BDP1: variants seen among roughly 807,000 people sequenced by gnomAD.
BDP1 encodes the protein BDP1 general transcription factor IIIB subunit, also known as transcription factor TFIIIB component B'' homolog.
Under a neutral mutation model 266.6 loss-of-function variants are expected in BDP1, and 169 were observed. The ratio of observed to expected loss-of-function variants is 0.63; its 90% CI spans 0.56 to 0.72. The LOEUF (loss-of-function observed/expected upper bound fraction) is 0.72. Ranked by LOEUF, BDP1 falls within the 30% of genes least tolerant of loss-of-function variation. The pLI is 0.00. For missense variants in BDP1, 3,015 were observed against 3,053.8 expected (o/e 0.99, Z 0.30); for synonymous variants, 1,090 against 1,022.4 (o/e 1.07, Z -1.26).
chr5:71,460,171 G>A (rs1480063793), intron 2 of BDP1, among the ~76,000 whole-genome samples: 2 of 152,186 alleles, frequency 1.3e-5, no homozygotes, highest in Non-Finnish European at 2.9e-5. Context: ...CCTGAGGTCA[G>A]GAGTTCGAGA....
intron 8 of BDP1, 27 bp from the exon 9 acceptor site, chr5:71,486,457 A>G (rs905536575): frequency 1.3e-6 from 2 of 1,526,274 alleles, no homozygotes; most frequent in South Asian, 1.3e-5. Context: ...TAAAAACTTG[A>G]AAGTTCTTTT....
intron 3 of BDP1, 31 bp downstream of exon 3, chr5:71,461,957 T>C: frequency 3.1e-5 from 22 of 703,486 alleles, no homozygotes; most frequent in Non-Finnish European, 4.6e-5. Flanking sequence ...CTTTACTATC[T>C]CTTTTTTTTT....
intron 2 of BDP1, among the ~76,000 whole-genome samples, chr5:71,460,155 G>A (rs966664172): frequency 3.9e-5 from 6 of 152,224 alleles, no homozygotes; most frequent in Non-Finnish European, 7.4e-5. Flanking sequence ...CGAGGTGGGC[G>A]GATCACCTGA....
rs1765045171 is a variant in BDP1, at chr5:71,513,394, T to C, written c.4457T>C (p.Leu1486Pro). 2 of 1,575,776 alleles carry C rather than the reference T, an allele frequency of 1.3e-6. No individual in the cohort carries two copies. Among genetic ancestry groups the C allele is most frequent in the Admixed American group, 3.6e-5 (2 of 55,140 alleles). Residue 1486 changes from leucine to proline, a missense_variant, in exon 19 of 39, where the codon CTC becomes CCC. Physicochemically the swap from Leu to Pro is moderately conservative, Grantham distance 98. Around this residue, in one of 3 missense-constraint regions of BDP1, gnomAD observed 2,383 missense variants for 2,404.9 expected, o/e 0.99. Transcript: ENST00000358731. ...MQENNEQTDT[L>P]PSQHDEASLM... ...GAAAATAATGAACAAACTGATACTC[T>C]CCCTTCTCAACATGTGAGTGTATTT...
intron 25 of BDP1, among the ~76,000 whole-genome samples, chr5:71,525,594 C>A (rs1476097537): frequency 2.4e-5 from 2 of 84,172 alleles, no homozygotes; most frequent in East Asian, 7.0e-4. Flanking sequence ...GGGGGCTGAC[C>A]CCCCAACCTC....
At position 71,522,929 on chromosome 5, in the gene BDP1, A is replaced by G. The variant is rs181161100; in HGVS notation, c.5367A>G (p.Gln1789=). 6.0e-5 allele frequency: 95 copies of G among 1,592,858 alleles called. No individual in the cohort carries two copies. The African/African-American group carries it at 1.2e-3, about 20-fold the overall frequency. Residue 1789 remains glutamine, a synonymous_variant, in exon 24 of 39, where the codon CAA becomes CAG. Coordinates refer to ENST00000358731, the MANE Select transcript of BDP1 (RefSeq NM_018429.3). Reference sequence around the variant, plus strand: ...CACCATCTTCAGTTGTTGAAGAGCAATATCTCAATAAACTAACAAGGTAAC... The same window carrying G: ...CACCATCTTCAGTTGTTGAAGAGCAGTATCTCAATAAACTAACAAGGTAAC... ...DNSPSSVVEE[Q]YLNKLTSCPQ...
Position 71,501,673 on chromosome 5 carries a change from TAAAAAAAA to T in BDP1, c.2048+33_2048+40del. The T allele has an allele frequency of 9.2e-6, 5 of 544,660 alleles. No individual in the cohort carries two copies. Among genetic ancestry groups the T allele is most frequent in the Non-Finnish European group, 1.5e-5 (5 of 335,082 alleles). The allele number at this position is 544,660 out of a possible 1,614,324, so 33.7% of individuals were successfully genotyped here. ...ATCTGTGTGAGTATTCAGGAAGTAG[TAAAAAAAA>T]AAAAAAAAAAAAGTAACTCTTAGGA... On this transcript the variant is annotated intron_variant, in intron 14 of 38. Coordinates refer to ENST00000358731, the MANE Select transcript of BDP1 (RefSeq NM_018429.3).
rs779802474 is a variant in BDP1 at position 71,504,678 on chromosome 5, T to C, written c.2299T>C (p.Leu767=). 3.1e-6 allele frequency: 5 copies of C among 1,613,612 alleles called. No homozygotes were observed. In the South Asian group the frequency reaches 5.5e-5, roughly 18 times the overall value. Reference sequence around the variant, plus strand: ...AGATTTTGAAGAGGAAGATGTCATATTACAGCCTGAGAAAAATGATTCTTT... The same window carrying C: ...AGATTTTGAAGAGGAAGATGTCATACTACAGCCTGAGAAAAATGATTCTTT... ...RKDFEEEDVI[L]QPEKNDSFQN... Residue 767 remains leucine (L), a synonymous_variant, in exon 16 of 39, where the codon TTA becomes CTA. Coordinates refer to ENST00000358731, the MANE Select transcript of BDP1 (RefSeq NM_018429.3).
Position 71,541,180 on chromosome 5 carries a change from G to T in BDP1, c.6023-274G>T, listed in dbSNP as rs187206098. Among the ~76,000 whole-genome samples, 527 of 152,116 alleles carry T rather than the reference G, an allele frequency of 3.5e-3. 3 individuals carry two copies. Among genetic ancestry groups the T allele is most frequent in the African/African-American group, 0.012 (496 of 41,510 alleles). ...TATATAATTACTGAAAGTAACAAAAGAACTCATTTTTACTAATAATCGGAT... is the reference window on the plus strand; with the variant it reads ...TATATAATTACTGAAAGTAACAAAATAACTCATTTTTACTAATAATCGGAT... On this transcript the variant is annotated intron_variant, in intron 28 of 38. Coordinates refer to ENST00000358731, the MANE Select transcript of BDP1 (RefSeq NM_018429.3).
chr5:71,532,058 A>T (rs1204259823), intron 25 of BDP1, among the ~76,000 whole-genome samples: 1 of 152,226 alleles, frequency 6.6e-6, no homozygotes, highest in Non-Finnish European at 1.5e-5. Flanking sequence ...GGCACTAAGA[A>T]GATGAGTCTT....
chr5:71,544,615 C>T (rs1216277463), intron 31 of BDP1, 108 bp downstream of exon 31: 2 of 1,199,854 alleles, frequency 1.7e-6, no homozygotes, highest in Non-Finnish European at 1.2e-6. Context: ...CACGGTGGCT[C>T]ACGCCTGTAA....
downstream of BDP1, among the ~76,000 whole-genome samples, chr5:71,568,724 A>G (rs1402136973): frequency 6.6e-6 from 1 of 152,206 alleles, no homozygotes; most frequent in Non-Finnish European, 1.5e-5. Flanking sequence ...AACCTCTTAT[A>G]TATGTATGTC....
chr5:71,502,086 T>C (rs1194148910), intron 14 of BDP1, among the ~76,000 whole-genome samples: 1 of 152,162 alleles, frequency 6.6e-6, no homozygotes, highest in Non-Finnish European at 1.5e-5. Flanking sequence ...GGAGTAGTAT[T>C]CTATGCTTGG....
intron 30 of BDP1, 42 bp from the exon 31 acceptor site, chr5:71,544,315 G>C (rs765723563): frequency 8.9e-6 from 14 of 1,566,260 alleles, no homozygotes; most frequent in Non-Finnish European, 1.2e-5. Flanking sequence ...GATTTTAGCT[G>C]TATTATTTTG....
intron 7 of BDP1, among the ~76,000 whole-genome samples, chr5:71,482,479 G>A (rs1328802192): frequency 6.6e-6 from 1 of 152,162 alleles, no homozygotes; most frequent in African/African-American, 2.4e-5. Context: ...GGATATGTAG[G>A]ACCTGTCCAT....
chr5:71,517,461 G>C lies in BDP1; in HGVS notation c.4991+9G>C, dbSNP rs1452591939. 1 of 1,544,698 alleles carries C rather than the reference G, an allele frequency of 6.5e-7. No homozygotes were observed. Among genetic ancestry groups the C allele is most frequent in the East Asian group, 2.4e-5 (1 of 42,316 alleles). ...ACAAATGAAACAATCAGGTGAGTTT[G>C]CTTTTAATGAGAAAAAATAAGACTT... On this transcript the variant is annotated intron_variant, in intron 22 of 38. Transcript: ENST00000358731.
intron 37 of BDP1, among the ~76,000 whole-genome samples, chr5:71,561,423 A>G (rs975000016): frequency 6.6e-6 from 1 of 152,220 alleles, no homozygotes; most frequent in East Asian, 1.9e-4. Flanking sequence ...AAATAAAATA[A>G]TAACATCATG....
At chr5:71,534,522 A>G (rs1210916465) in intron 26 of BDP1, among the ~76,000 whole-genome samples, 1 of 151,814 alleles carries the variant, frequency 6.6e-6, no homozygotes, top group Non-Finnish European at 1.5e-5. Context: ...TGTTGTTGAG[A>G]TGGAGTCTCG....
intron 13 of BDP1, among the ~76,000 whole-genome samples, chr5:71,499,161 G>A (rs1180104848): frequency 1.3e-5 from 2 of 152,098 alleles, no homozygotes; most frequent in Non-Finnish European, 2.9e-5. Context: ...GTGCGATGGC[G>A]TGATCTCGGC....
Sources: gnomAD v4.1 joint callset for allele counts (sites outside exome capture counted in the v4.1 genomes callset) on GRCh38, gnomAD v4.1.1 for gene constraint, gnomAD v4.1.1 regional missense constraint, MANE v1.5 for transcripts, NCBI Gene and HGNC (gene_info 2026-07-23, HGNC 2026-07-21) for gene names.